The following SH3D19 variants were observed in gnomAD, a reference collection of about 807,000 sequenced individuals.
The protein encoded by SH3D19 is SH3 domain-containing protein 19.
In SH3D19, 58 loss-of-function variants were observed where a neutral mutation model predicts 112.1. That is an observed-to-expected ratio of 0.52 (90% CI 0.42 to 0.64). SH3D19 has a LOEUF of 0.64. SH3D19 is among the 30% of genes least tolerant of loss of function. The pLI is 0.00. For synonymous variants in SH3D19, 391 were observed against 448.5 expected, an observed-to-expected ratio of 0.87 and a Z score of 1.62; for missense variants, 1,090 against 1,263.4, an observed-to-expected ratio of 0.86 and a Z score of 2.08.
At position 151,156,117 on chromosome 4, in the gene SH3D19, G is replaced by A. The variant is rs186527136; in HGVS notation, c.1755+3123C>T. On this transcript the variant is annotated intron_variant, in intron 9 of 19. Coordinates refer to ENST00000604030, the MANE Select transcript of SH3D19 (RefSeq NM_001378122.1). The stretch of plus-strand genomic sequence containing the variant: ...CCTTGTAATAAATTTAACTGAGGAA[G>A]TGAAAGACCTCTACAAGGAAAACTA... Among the ~76,000 whole-genome samples, 51 of 152,244 alleles carry A rather than the reference G, an allele frequency of 3.3e-4. 2 individuals carry two copies. Among genetic ancestry groups the A allele is most frequent in the Admixed American group, 2.7e-3 (41 of 15,284 alleles).
intron 1 of SH3D19, among the ~76,000 whole-genome samples, chr4:151,240,506 G>A (rs1718581899): frequency 6.6e-6 from 1 of 151,634 alleles, no homozygotes; most frequent in African/African-American, 2.4e-5. Flanking sequence ...TCTCACCATT[G>A]ACCAGATGTC....
At chr4:151,296,597 T>C (rs1254751366) in intron 1 of SH3D19, among the ~76,000 whole-genome samples, 2 of 152,206 alleles carry the variant, frequency 1.3e-5, no homozygotes, top group Admixed American at 1.3e-4. Context: ...GAGGAAATAA[T>C]AGGGACACCT....
chr4:151,127,644 C>T lies in SH3D19; in HGVS notation c.3001G>A (p.Glu1001Lys). ...KAKALYDFRG[E>K]NEDELSFKAG... ...TTGAAGGAAAGTTCATCTTCATTCT[C>T]CCCTCGGAAATCATATAAGGCTTTG... Residue 1001 changes from glutamate (E) to lysine (K), a missense_variant, in exon 19 of 20, where the codon GAG becomes AAG. Transcript: ENST00000604030. 6.2e-7 allele frequency: 1 copy of T among 1,604,302 alleles called. No homozygotes were observed. Among genetic ancestry groups the T allele is most frequent in the Non-Finnish European group, 8.5e-7 (1 of 1,176,492 alleles).
At chr4:151,279,728 T>C in intron 1 of SH3D19, 6 of 1,460,388 alleles carry the variant, frequency 4.1e-6, no homozygotes, top group Non-Finnish European at 5.7e-6. Context: ...TTGGGAATGA[T>C]GATAAGGTGG....
At chr4:151,234,648 G>T (rs942028863) in intron 1 of SH3D19, among the ~76,000 whole-genome samples, 1 of 150,412 alleles carries the variant, frequency 6.6e-6, no homozygotes, top group Non-Finnish European at 1.5e-5. Context: ...AGACCTTTTA[G>T]TTCCCTGACT....
At chr4:151,135,421 A>ATTTTTTTTTT (rs34291277) in intron 14 of SH3D19, among the ~76,000 whole-genome samples, 2 of 87,464 alleles carry the variant, frequency 2.3e-5, no homozygotes, top group Non-Finnish European at 4.0e-5. Context: ...TCTCTATCTC[A>ATTTTTTTTTT]TTTTTTTTTT....
At position 151,287,266 on chromosome 4, in the gene SH3D19, G is replaced by A. The variant is rs531159156; in HGVS notation, c.112+37975C>T. Among the ~76,000 whole-genome samples, 3 of 149,738 alleles carry A rather than the reference G, an allele frequency of 2.0e-5. No homozygotes were observed. The East Asian group carries it at 5.9e-4, about 29-fold the overall frequency. On this transcript the variant is annotated intron_variant, in intron 1 of 19. Coordinates refer to ENST00000604030, the MANE Select transcript of SH3D19 (RefSeq NM_001378122.1). The stretch of plus-strand genomic sequence containing the variant: ...TGAGGGAGGAGAATCACTTGAACCC[G>A]GGAGGCAGAGGTTTCAGTAAGTCAA...
intron 1 of SH3D19, among the ~76,000 whole-genome samples, chr4:151,324,573 A>G (rs886879976): frequency 6.6e-5 from 10 of 152,188 alleles, no homozygotes; most frequent in Non-Finnish European, 1.0e-4. Context: ...TCTTTCACTA[A>G]TGTGCCAAAC....
intron 1 of SH3D19, chr4:151,282,528 A>G: frequency 1.0e-6 from 1 of 972,204 alleles, no homozygotes; most frequent in Non-Finnish European, 1.5e-6. Context: ...AACCAGATCA[A>G]TCTAATGATA....
intron 19 of SH3D19, among the ~76,000 whole-genome samples, chr4:151,125,151 G>T (rs536869820): frequency 6.6e-6 from 1 of 152,270 alleles, no homozygotes; most frequent in East Asian, 1.9e-4. Flanking sequence ...TTTTAATTTT[G>T]CATAGCTTAC....
chr4:151,309,934 G>A (rs1277452147), intron 1 of SH3D19, among the ~76,000 whole-genome samples: 1 of 152,060 alleles, frequency 6.6e-6, no homozygotes, highest in Non-Finnish European at 1.5e-5. Flanking sequence ...AGGCTATAGT[G>A]AGCAGAGATG....
At chr4:151,228,085 C>A in intron 1 of SH3D19, 1 of 963,286 alleles carries the variant, frequency 1.0e-6, no homozygotes, top group Non-Finnish European at 1.2e-6. Context: ...CATTTTTATA[C>A]TTTCTGCTCT....
chr4:151,315,940 G>C (rs1729939865), intron 1 of SH3D19, among the ~76,000 whole-genome samples: 1 of 152,122 alleles, frequency 6.6e-6, no homozygotes, highest in Non-Finnish European at 1.5e-5. Flanking sequence ...TATGGAAAGA[G>C]AGGAAAAAGG....
chr4:151,291,492 T>C (rs1288713679), intron 1 of SH3D19: 1 of 1,376,250 alleles, frequency 7.3e-7, no homozygotes, highest in Non-Finnish European at 9.9e-7. Flanking sequence ...GTGACTTTAT[T>C]TACAATTTGA....
chr4:151,207,878 A>G (rs531364739), intron 2 of SH3D19, among the ~76,000 whole-genome samples: 4 of 152,270 alleles, frequency 2.6e-5, no homozygotes, highest in African/African-American at 9.6e-5. Context: ...CATCAAACTG[A>G]TATGTCAGAA....
At chr4:151,300,891 G>C (rs535468957) in intron 1 of SH3D19, among the ~76,000 whole-genome samples, 24 of 152,322 alleles carry the variant, frequency 1.6e-4, no homozygotes, top group Non-Finnish European at 3.2e-4. Context: ...ATCAGAGATA[G>C]ATTTAATAGA....
intron 2 of SH3D19, among the ~76,000 whole-genome samples, chr4:151,214,282 A>C (rs1047368790): frequency 4.1e-4 from 62 of 151,626 alleles, no homozygotes; most frequent in Non-Finnish European, 8.1e-4. Flanking sequence ...CCACACAGAC[A>C]CGGCAACCAT....
At chr4:151,296,880 A>C (rs1431560352) in intron 1 of SH3D19, among the ~76,000 whole-genome samples, 1 of 152,112 alleles carries the variant, frequency 6.6e-6, no homozygotes, top group Non-Finnish European at 1.5e-5. Flanking sequence ...TTTTTTCCCT[A>C]TATTCCACTA....
intron 2 of SH3D19, among the ~76,000 whole-genome samples, chr4:151,193,873 TA>T (rs1165937943): frequency 6.6e-6 from 1 of 152,156 alleles, no homozygotes; most frequent in Non-Finnish European, 1.5e-5. Flanking sequence ...ATAACCAGAA[TA>T]AAACTTTTCT....
Sources: allele counts gnomAD v4.1 joint callset (sites outside exome capture counted in the v4.1 genomes callset), GRCh38; gene constraint gnomAD v4.1.1; transcripts MANE v1.5; gene names NCBI Gene and HGNC (gene_info 2026-07-23, HGNC 2026-07-21).